NLK: variants seen among roughly 807,000 people sequenced by gnomAD.
NLK encodes the protein serine/threonine-protein kinase NLK.
A neutral mutation model predicts 59.0 loss-of-function variants in NLK; 11 were observed. The observed-to-expected ratio is 0.19, with a 90% CI of 0.12 to 0.31. NLK has a LOEUF of 0.31. Ranked by LOEUF, NLK falls within the 10% of genes least tolerant of loss-of-function variation. NLK has a pLI of 1.00. For missense variants in NLK, 410 were observed against 661.1 expected, an observed-to-expected ratio of 0.62 and a Z score of 4.16; for synonymous variants, 235 against 235.9, an observed-to-expected ratio of 1.00 and a Z score of 0.03.
intron 1 of NLK, among the ~76,000 whole-genome samples, chr17:28,079,353 G>A (rs1325693430): frequency 2.6e-5 from 4 of 151,994 alleles, no homozygotes; most frequent in South Asian, 2.1e-4. Context: ...TGAGATCCTG[G>A]CTTCAATTCT....
intron 5 of NLK, among the ~76,000 whole-genome samples, chr17:28,166,635 T>A (rs1908250709): frequency 6.6e-6 from 1 of 152,206 alleles, no homozygotes; most frequent in Non-Finnish European, 1.5e-5. Flanking sequence ...TACTATCTGA[T>A]CTCATCCTCA....
At chr17:28,145,627 A>G (rs190099090) in intron 3 of NLK, among the ~76,000 whole-genome samples, 10 of 152,342 alleles carry the variant, frequency 6.6e-5, no homozygotes, top group Admixed American at 1.3e-4. Context: ...TAAAAAGTGA[A>G]TAAAGTTTTT....
intron 1 of NLK, among the ~76,000 whole-genome samples, chr17:28,054,167 G>C (rs1263601053): frequency 6.6e-6 from 1 of 152,250 alleles, no homozygotes; most frequent in African/African-American, 2.4e-5. Context: ...TTATTGTGCA[G>C]AAGAAGGGGC....
At chr17:28,072,836 A>G (rs1910050032) in intron 1 of NLK, among the ~76,000 whole-genome samples, 1 of 151,726 alleles carries the variant, frequency 6.6e-6, no homozygotes, top group South Asian at 2.1e-4. Context: ...TCCCCCTTTT[A>G]TATTTTTTCA....
intron 1 of NLK, among the ~76,000 whole-genome samples, chr17:28,052,531 C>T (rs1280223167): frequency 1.3e-5 from 2 of 152,038 alleles, no homozygotes; most frequent in Admixed American, 1.3e-4. Context: ...AGCTCTTGTC[C>T]AAGAGGAAGG....
intron 1 of NLK, among the ~76,000 whole-genome samples, chr17:28,102,557 G>A (rs375271756): frequency 1.3e-4 from 19 of 151,320 alleles, no homozygotes; most frequent in African/African-American, 4.6e-4. Flanking sequence ...GCTGAGGCAG[G>A]AGAATCACTT....
At chr17:28,093,415 G>A (rs892590311) in intron 1 of NLK, among the ~76,000 whole-genome samples, 9 of 152,000 alleles carry the variant, frequency 5.9e-5, no homozygotes, top group Non-Finnish European at 1.0e-4. Flanking sequence ...ACTCTCCCTC[G>A]GTATCTTAAC....
rs35876549 is a variant in NLK, at chr17:28,075,206, T to A, written c.458+31875T>A. 1.9e-3 allele frequency among the ~76,000 whole-genome samples: 282 copies of A among 152,336 alleles called. 1 individual carries two copies. Among genetic ancestry groups the A allele is most frequent in the African/African-American group, 6.4e-3 (268 of 41,582 alleles). On this transcript the variant is annotated intron_variant, in intron 1 of 10. Transcript: ENST00000407008. ...AAAACATTCAGAAACAGACTCAGCA[T>A]TCAGGTGATTTGGACAACTGATTGA...
At chr17:28,174,721 CTA>C (rs1375866506) in intron 7 of NLK, among the ~76,000 whole-genome samples, 1 of 152,122 alleles carries the variant, frequency 6.6e-6, no homozygotes, top group Non-Finnish European at 1.5e-5. Context: ...AGTTTTTGAT[CTA>C]TGTTTGCTAG....
intron 1 of NLK, among the ~76,000 whole-genome samples, chr17:28,109,823 T>C (rs1488221997): frequency 2.0e-5 from 3 of 152,262 alleles, no homozygotes; most frequent in African/African-American, 7.2e-5. Context: ...TAAGTTTTCA[T>C]TTCCCCTGTG....
chr17:28,158,115 A>G (rs79082180), intron 3 of NLK, among the ~76,000 whole-genome samples: 32 of 152,342 alleles, frequency 2.1e-4, no homozygotes, highest in African/African-American at 7.5e-4. Context: ...TAGGGAGTAC[A>G]GGTTGTTACA....
Position 28,043,089 on chromosome 17 carries a change from T to C in NLK, c.216T>C (p.Ala72=), listed in dbSNP as rs369125573. 2.5e-6 allele frequency: 4 copies of C among 1,578,342 alleles called. No individual in the cohort carries two copies. The Admixed American group carries it at 7.6e-5, about 30-fold the overall frequency. The change falls in exon 1 of 11, where the codon GCT becomes GCC. Residue 72 remains alanine, a synonymous_variant. Transcript: ENST00000407008. ...TACAGCAGCACACCTCTTCGGCAGC[T>C]GCGGCAGCCGCAGCAGCGGCTGCAG... The part of the protein sequence containing the change: ...HPVQQHTSSA[A]AAAAAAAAAA...
At chr17:28,051,633 A>G (rs1360560626) in intron 1 of NLK, among the ~76,000 whole-genome samples, 2 of 149,898 alleles carry the variant, frequency 1.3e-5, no homozygotes, top group African/African-American at 4.9e-5. Context: ...CTGGGATTAC[A>G]GTTGTGAGCC....
chr17:28,107,350 G>A (rs567528890), intron 1 of NLK, among the ~76,000 whole-genome samples: 7 of 152,046 alleles, frequency 4.6e-5, no homozygotes, highest in African/African-American at 1.7e-4. Context: ...CAGGAGAATC[G>A]CTTGAATCTG....
chr17:28,197,660 G>T (rs770345359), downstream of NLK, among the ~76,000 whole-genome samples: 5 of 152,008 alleles, frequency 3.3e-5, no homozygotes, highest in African/African-American at 7.2e-5. Context: ...TACAATTTGT[G>T]TGCAGTTTAA....
At chr17:28,193,886 CCAGT>C (rs1490727132) in intron 10 of NLK, among the ~76,000 whole-genome samples, 1 of 152,084 alleles carries the variant, frequency 6.6e-6, no homozygotes, top group Non-Finnish European at 1.5e-5. Context: ...AGTCAGTGAC[CCAGT>C]CAGTTAGGCA....
chr17:28,128,713 A>G (rs534843019), intron 2 of NLK, among the ~76,000 whole-genome samples: 33 of 152,352 alleles, frequency 2.2e-4, no homozygotes, highest in Admixed American at 5.9e-4. Context: ...TAGTGAGAGC[A>G]TAAATTTGTA....
intron 1 of NLK, among the ~76,000 whole-genome samples, chr17:28,110,864 A>T (rs1200962075): frequency 6.7e-6 from 1 of 150,306 alleles, no homozygotes; most frequent in African/African-American, 2.5e-5. Context: ...TTTTTTTTTG[A>T]GACGGAGTCT....
intron 2 of NLK, among the ~76,000 whole-genome samples, chr17:28,130,591 G>A (rs1274216376): frequency 1.3e-5 from 2 of 152,136 alleles, no homozygotes; most frequent in Non-Finnish European, 2.9e-5. Flanking sequence ...GGTTTAATAT[G>A]TATGGTTGTC....
Sources: allele counts gnomAD v4.1 joint callset (sites outside exome capture counted in the v4.1 genomes callset), GRCh38; gene constraint gnomAD v4.1.1; transcripts MANE v1.5; gene names NCBI Gene and HGNC (gene_info 2026-07-23, HGNC 2026-07-21).